TNIK: variants seen among roughly 807,000 people sequenced by gnomAD.
The protein encoded by TNIK is TRAF2 and NCK interacting kinase, also known as TRAF2 and NCK-interacting protein kinase.
TNIK carries 49 observed loss-of-function variants against 191.3 expected under a neutral mutation model. The ratio of observed to expected loss-of-function variants is 0.26; its 90% CI spans 0.20 to 0.32. The LOEUF (loss-of-function observed/expected upper bound fraction) is 0.32. TNIK is among the 10% of genes least tolerant of loss of function. The pLI, the probability that TNIK is intolerant of heterozygous loss-of-function variation, is 1.00. For missense variants in TNIK, 1,155 were observed against 1,702.3 expected, an observed-to-expected ratio of 0.68 and a Z score of 5.66; for synonymous variants, 594 against 600.9, an observed-to-expected ratio of 0.99 and a Z score of 0.17.
intron 22 of TNIK, among the ~76,000 whole-genome samples, chr3:171,095,489 T>A (rs1722591464): frequency 6.6e-6 from 1 of 152,242 alleles, no homozygotes; most frequent in Non-Finnish European, 1.5e-5. Context: ...TTATCAAGGC[T>A]TATTTCTCTC....
At chr3:171,420,618 C>T (rs1723678563) in intron 1 of TNIK, among the ~76,000 whole-genome samples, 1 of 152,100 alleles carries the variant, frequency 6.6e-6, no homozygotes, top group Non-Finnish European at 1.5e-5. Context: ...TACTACATAC[C>T]TATGGTAAAG....
At chr3:171,101,921 A>C in intron 21 of TNIK, 5 of 213,442 alleles carry the variant, frequency 2.3e-5, no homozygotes, top group East Asian at 1.0e-4. Context: ...ATATACAAAC[A>C]TTGGGTTCTC....
chr3:171,269,679 G>A (rs748995597), intron 2 of TNIK, among the ~76,000 whole-genome samples: 4 of 152,188 alleles, frequency 2.6e-5, no homozygotes, highest in Non-Finnish European at 4.4e-5. Flanking sequence ...CACAGCTGGG[G>A]CTGGTGTTAC....
At chr3:171,191,166 A>C (rs1738021160) in intron 5 of TNIK, among the ~76,000 whole-genome samples, 1 of 152,244 alleles carries the variant, frequency 6.6e-6, no homozygotes, top group African/African-American at 2.4e-5. Context: ...GTCTCTGTAC[A>C]GAAAACTAAC....
chr3:171,367,138 C>G (rs972341751), intron 2 of TNIK, among the ~76,000 whole-genome samples: 2 of 152,178 alleles, frequency 1.3e-5, no homozygotes, highest in African/African-American at 2.4e-5. Context: ...TAAGGACCTC[C>G]TCCTAGAGCT....
chr3:171,379,966 G>A (rs1390782400), intron 1 of TNIK, among the ~76,000 whole-genome samples: 2 of 151,806 alleles, frequency 1.3e-5, no homozygotes, highest in Non-Finnish European at 2.9e-5. Context: ...CTGAGATCAC[G>A]CCACTGCACT....
intron 9 of TNIK, among the ~76,000 whole-genome samples, chr3:171,169,533 G>T (rs1007024187): frequency 6.6e-6 from 1 of 152,148 alleles, no homozygotes; most frequent in Non-Finnish European, 1.5e-5. Context: ...CTCCCAAAGT[G>T]CTGGTATTAC....
chr3:171,323,687 A>G (rs1266545360), intron 2 of TNIK, among the ~76,000 whole-genome samples: 1 of 151,938 alleles, frequency 6.6e-6, no homozygotes, highest in Non-Finnish European at 1.5e-5. Context: ...AAGTAATTTC[A>G]GTATCATCAG....
chr3:171,358,218 G>A (rs1714431394), intron 2 of TNIK, among the ~76,000 whole-genome samples: 1 of 152,136 alleles, frequency 6.6e-6, no homozygotes, highest in African/African-American at 2.4e-5. Context: ...TTTTAATATA[G>A]AAAATGTATT....
intron 2 of TNIK, among the ~76,000 whole-genome samples, chr3:171,278,915 A>C (rs1428885410): frequency 6.6e-6 from 1 of 152,202 alleles, no homozygotes; most frequent in African/African-American, 2.4e-5. Context: ...GGATATTTTT[A>C]AATGATACTG....
At chr3:171,152,647 G>A (rs1441518772) in intron 12 of TNIK, among the ~76,000 whole-genome samples, 5 of 152,154 alleles carry the variant, frequency 3.3e-5, no homozygotes, top group African/African-American at 4.8e-5. Context: ...AGAAGTTGAC[G>A]TCTTTTCACT....
intron 2 of TNIK, among the ~76,000 whole-genome samples, chr3:171,316,509 C>T (rs1479854144): frequency 6.6e-6 from 1 of 152,026 alleles, no homozygotes. Context: ...TGAGCAAAGG[C>T]CTGCAGACAT....
chr3:171,089,087 T>C (rs1380317920), intron 23 of TNIK, among the ~76,000 whole-genome samples: 1 of 152,218 alleles, frequency 6.6e-6, no homozygotes, highest in Non-Finnish European at 1.5e-5. Context: ...TGAAACAGAC[T>C]CCCAAGCTCC....
At chr3:171,064,321 G>C in intron 32 of TNIK, among the ~76,000 whole-genome samples, 1 of 152,184 alleles carries the variant, frequency 6.6e-6, no homozygotes, top group East Asian at 1.9e-4. Flanking sequence ...TTAATTTCTA[G>C]AAAGGCACAG....
intron 1 of TNIK, among the ~76,000 whole-genome samples, chr3:171,424,341 TG>T (rs1236720049): frequency 6.6e-6 from 1 of 152,154 alleles, no homozygotes; most frequent in East Asian, 1.9e-4. Context: ...CAACAGGTGC[TG>T]GAGAGGATGT....
chr3:171,448,215 C>G (rs1316478904), intron 1 of TNIK, among the ~76,000 whole-genome samples: 1 of 152,044 alleles, frequency 6.6e-6, no homozygotes, highest in Non-Finnish European at 1.5e-5. Flanking sequence ...TTGAAGTGTA[C>G]AAGTGACTTT....
At chr3:171,365,259 C>T (rs564670816) in intron 2 of TNIK, among the ~76,000 whole-genome samples, 1 of 136,984 alleles carries the variant, frequency 7.3e-6, no homozygotes, top group African/African-American at 2.6e-5. Flanking sequence ...CTCAGCTCAC[C>T]AGAACCTCTG....
chr3:171,310,018 A>G (rs182949808), intron 2 of TNIK, among the ~76,000 whole-genome samples: 181 of 152,214 alleles, frequency 1.2e-3, no homozygotes, highest in South Asian at 3.7e-3. Flanking sequence ...TGGAGCTCTT[A>G]ATCACACACT....
chr3:171,359,653 G>C (rs1714680787), intron 2 of TNIK, among the ~76,000 whole-genome samples: 1 of 152,136 alleles, frequency 6.6e-6, no homozygotes, highest in Non-Finnish European at 1.5e-5. Flanking sequence ...GCATATATTT[G>C]CTTGCCGAAC....
Sources: gnomAD v4.1 joint callset for allele counts (sites outside exome capture counted in the v4.1 genomes callset) on GRCh38, gnomAD v4.1.1 for gene constraint, MANE v1.5 for transcripts, NCBI Gene and HGNC (gene_info 2026-07-23, HGNC 2026-07-21) for gene names.